The following AMPD2 variants were observed in gnomAD, a reference collection of about 807,000 sequenced individuals.
The protein encoded by AMPD2 is adenosine monophosphate deaminase 2, also known as AMP deaminase 2.
Under a neutral mutation model 91.3 loss-of-function variants are expected in AMPD2, and 52 were observed. The observed-to-expected ratio is 0.57, with a 90% confidence interval of 0.46 to 0.72. The LOEUF is 0.72. Among genes scored for constraint, AMPD2 ranks in the 30% least tolerant of loss-of-function variants. The pLI, the probability that AMPD2 is intolerant of heterozygous loss-of-function variation, is 0.00. For synonymous variants in AMPD2, 455 were observed against 456.4 expected (o/e 1.00, Z 0.04); for missense variants, 822 against 1,122.3 (o/e 0.73, Z 3.82).
Position 109,629,171 on chromosome 1 carries a change from T to C in AMPD2, c.1634T>C (p.Leu545Pro). ...CAGGAGATGCTGGAGAACATCTTCCTGCCACTGTTCGAGGCCACTGTGCAC... is the reference window on the plus strand; with the variant it reads ...CAGGAGATGCTGGAGAACATCTTCCCGCCACTGTTCGAGGCCACTGTGCAC... Reference protein sequence around the residue: ...NFQEMLENIFLPLFEATVHPA... With the variant: ...NFQEMLENIFPPLFEATVHPA... Residue 545 changes from leucine to proline, a missense_variant, in exon 14 of 19, where the codon CTG becomes CCG. Transcript: ENST00000528667. 6.2e-7 allele frequency: 1 copy of C among 1,614,146 alleles called. No homozygotes were observed. Among genetic ancestry groups the C allele is most frequent in the Non-Finnish European group, 8.5e-7 (1 of 1,180,026 alleles).
intron 2 of AMPD2, chr1:109,621,499 A>G: frequency 1.6e-6 from 1 of 636,414 alleles, no homozygotes; most frequent in Non-Finnish European, 2.8e-6. Flanking sequence ...TGTCACAAGG[A>G]GTGGGCATGG....
intron 2 of AMPD2, among the ~76,000 whole-genome samples, chr1:109,621,979 G>A (rs1407658906): frequency 2.0e-5 from 3 of 152,304 alleles, no homozygotes; most frequent in South Asian, 2.1e-4. Context: ...AGTGAGGTGC[G>A]GCAGTGCCTG....
Position 109,627,326 on chromosome 1 carries a change from G to A in AMPD2, c.860+10G>A, listed in dbSNP as rs755138601. The A allele has an allele frequency of 4.4e-6, 7 of 1,607,170 alleles. No individual in the cohort carries two copies. In the South Asian group the frequency reaches 5.5e-5, roughly 13 times the overall value. On this transcript the variant is annotated intron_variant, in intron 8 of 18. Transcript: ENST00000528667. ...GGGAACCCGACGAGCAGTAAGAGGGGTGTGGTGCATGTTGGGGGGATGCAG... is the reference window on the plus strand; with the variant it reads ...GGGAACCCGACGAGCAGTAAGAGGGATGTGGTGCATGTTGGGGGGATGCAG...
rs1650887288 is a variant in AMPD2 at position 109,628,261 on chromosome 1, C to T, written c.1259C>T (p.Thr420Met). The change falls in exon 11 of 19, where the codon ACG (threonine) becomes ATG (methionine). Residue 420 changes from threonine (T) to methionine (M), a missense_variant. Coordinates refer to ENST00000528667, the MANE Select transcript of AMPD2 (RefSeq NM_001368809.2). The surrounding 1 kb of genome is among the most constrained non-coding windows in gnomAD (Gnocchi z 7.1). ...ACGGCCTACGACCTGAGTGTGGACA[C>T]GCTGGATGTGCATGCGGTCTGTGCC... ...NLTAYDLSVD[T>M]LDVHADRNTF... 1.2e-6 allele frequency: 2 copies of T among 1,613,650 alleles called. No individual in the cohort carries two copies. The highest frequency in any genetic ancestry group is 1.7e-6 in the Non-Finnish European group (2 of 1,179,736).
At position 109,625,658 on chromosome 1, in the gene AMPD2, C is replaced by A. The variant is rs116223306; in HGVS notation, c.223-4C>A. ...CCATGCTGACCTTCCTTCCCTCCCC[C>A]CAGGAGCTGTTCACCCGCTCACTGG... On this transcript the variant is annotated splice_region_variant and splice_polypyrimidine_tract_variant and intron_variant, in intron 3 of 18. Transcript: ENST00000528667. This position sits in a 1 kb window ranked among gnomAD's most constrained non-coding sequence, Gnocchi z 4.0. The A allele has an allele frequency of 1.3e-5, 21 of 1,613,680 alleles. No homozygotes were observed. The highest frequency in any genetic ancestry group is 1.7e-5 in the Non-Finnish European group (20 of 1,179,756).
Position 109,629,601 on chromosome 1 carries a change from C to CT in AMPD2, c.1862+112dup, listed in dbSNP as rs1245997719. On this transcript the variant is annotated intron_variant, in intron 15 of 18. Coordinates refer to ENST00000528667, the MANE Select transcript of AMPD2 (RefSeq NM_001368809.2). The stretch of plus-strand genomic sequence containing the variant: ...ACCTCTGACCCACCTGTTGCCTGGA[C>CT]TGGATGGGTTCTTTCTCTGCCCTTG... The CT allele has an allele frequency of 2.0e-6, 3 of 1,480,078 alleles. No individual in the cohort carries two copies. The East Asian group carries it at 6.8e-5, about 34-fold the overall frequency. 91.7% of individuals were successfully genotyped at this position (1,480,078 alleles called of 1,614,324 possible). A position where few individuals can be genotyped will look rare whatever the true frequency, so the allele number is the denominator to read the frequency against.
intron 16 of AMPD2, 70 bp from the exon 17 acceptor site, chr1:109,630,163 C>G: frequency 6.4e-7 from 1 of 1,560,412 alleles, no homozygotes; most frequent in Non-Finnish European, 8.8e-7. Flanking sequence ...GGCCTGGACC[C>G]CCAGAACCAC....
rs771895204 is a variant in AMPD2 at position 109,623,316 on chromosome 1, G to A, written c.92-1987G>A. On this transcript the variant is annotated intron_variant, in intron 2 of 18. Coordinates refer to ENST00000528667, the MANE Select transcript of AMPD2 (RefSeq NM_001368809.2). ...CCCAGAGGTAGGTAGAGACATGCCCGGAAGCAGGAACAGAATCAGATCCAT... is the reference window on the plus strand; with the variant it reads ...CCCAGAGGTAGGTAGAGACATGCCCAGAAGCAGGAACAGAATCAGATCCAT... Among the ~76,000 whole-genome samples the A allele has an allele frequency of 6.6e-5, 10 of 152,162 alleles. No homozygotes were observed. The East Asian group carries it at 1.7e-3, about 26-fold the overall frequency.
intron 2 of AMPD2, among the ~76,000 whole-genome samples, chr1:109,621,865 C>T (rs750806908): frequency 1.2e-4 from 18 of 152,192 alleles, no homozygotes; most frequent in Non-Finnish European, 2.4e-4. Flanking sequence ...TGGTCAGGTC[C>T]GTGCAGGGTT....
chr1:109,625,982 T>A lies in AMPD2; in HGVS notation c.354-178T>A. ...GCCGGTGTGGCTGGGTCATGTTGCT[T>A]AACTTATGGGTCTGCTTTCTCATCT... On this transcript the variant is annotated intron_variant, in intron 4 of 18. Coordinates refer to ENST00000528667, the MANE Select transcript of AMPD2 (RefSeq NM_001368809.2). This position sits in a 1 kb window ranked among gnomAD's most constrained non-coding sequence, Gnocchi z 4.0. 8.8e-7 allele frequency: 1 copy of A among 1,140,860 alleles called. No individual in the cohort carries two copies. The highest frequency in any genetic ancestry group is 1.3e-6 in the Non-Finnish European group (1 of 797,268). The allele number at this position is 1,140,860 out of a possible 1,614,324, so 70.7% of individuals were successfully genotyped here.
In AMPD2 at chr1:109,624,185, C is replaced by A; in HGVS notation, c.92-1118C>A. 3.1e-6 allele frequency: 2 copies of A among 638,872 alleles called. No individual in the cohort carries two copies. Among genetic ancestry groups the A allele is most frequent in the Non-Finnish European group, 1.9e-6 (1 of 513,022 alleles). 39.6% of individuals were successfully genotyped at this position (638,872 alleles called of 1,614,324 possible). ...CCCTTTGTCCAGCTTTGGGACCAGT[C>A]CTGGAGTATTGGGAAATGGGCGCAG... On this transcript the variant is annotated intron_variant, in intron 2 of 18. Transcript: ENST00000528667. The surrounding 1 kb of genome is among the most constrained non-coding windows in gnomAD (Gnocchi z 5.2).
chr1:109,625,986 T>C lies in AMPD2; in HGVS notation c.354-174T>C, dbSNP rs1459991361. ...GTGTGGCTGGGTCATGTTGCTTAAC[T>C]TATGGGTCTGCTTTCTCATCTCTAA... is the stretch of plus-strand genomic sequence containing the variant. On this transcript the variant is annotated intron_variant, in intron 4 of 18. Transcript: ENST00000528667. This position sits in a 1 kb window ranked among gnomAD's most constrained non-coding sequence, Gnocchi z 4.0. 13 of 1,136,494 alleles carry C rather than the reference T, an allele frequency of 1.1e-5. No individual in the cohort carries two copies. The highest frequency in any genetic ancestry group is 2.9e-5 in the South Asian group (2 of 68,216). The allele number at this position is 1,136,494 out of a possible 1,614,324, so 70.4% of individuals were successfully genotyped here. A position where few individuals can be genotyped will look rare whatever the true frequency, so the allele number is the denominator to read the frequency against.
At position 109,625,722 on chromosome 1, in the gene AMPD2, G is replaced by A. The variant is rs776751502; in HGVS notation, c.283G>A (p.Glu95Lys). Residue 95 changes from glutamate to lysine, a missense_variant, in exon 4 of 19, where the codon GAG becomes AAG. By Grantham distance (56) the Glu-to-Lys change is moderately conservative (BLOSUM62 1). Coordinates refer to ENST00000528667, the MANE Select transcript of AMPD2 (RefSeq NM_001368809.2). This position sits in a 1 kb window ranked among gnomAD's most constrained non-coding sequence, Gnocchi z 4.0. ...CCGTAGTGCCCCGTATGAGTTCCCCGAGGAGAGCCCCATTGAACAGCTGGA... is the reference window on the plus strand; with the variant it reads ...CCGTAGTGCCCCGTATGAGTTCCCCAAGGAGAGCCCCATTGAACAGCTGGA... ...ELRSAPYEFPEESPIEQLEER... is the reference protein window; with the variant it reads ...ELRSAPYEFPKESPIEQLEER... The A allele has an allele frequency of 1.5e-5, 24 of 1,614,020 alleles. No individual in the cohort carries two copies. The highest frequency in any genetic ancestry group is 6.7e-5 in the African/African-American group (5 of 74,922).
At position 109,626,540 on chromosome 1, in the gene AMPD2, TGGAGGGGC is replaced by T. The variant is rs887650535; in HGVS notation, c.531+122_531+129del. ...AAAGGGCGTTTCTCTTTCCAGCAGCTGGAGGGGCGGAGGGGCAGAGGGGCTGCCTAGGA... is the reference window on the plus strand; with the variant it reads ...AAAGGGCGTTTCTCTTTCCAGCAGCTGGAGGGGCAGAGGGGCTGCCTAGGA... On this transcript the variant is annotated intron_variant, in intron 6 of 18. Coordinates refer to ENST00000528667, the MANE Select transcript of AMPD2 (RefSeq NM_001368809.2). The T allele has an allele frequency of 4.2e-5, 55 of 1,313,238 alleles. No homozygotes were observed. The African/African-American group carries it at 7.0e-4, about 17-fold the overall frequency. The allele number at this position is 1,313,238 out of a possible 1,614,324, so 81.3% of individuals were successfully genotyped here. A position where few individuals can be genotyped will look rare whatever the true frequency, so the allele number is the denominator to read the frequency against.
chr1:109,631,055 G>T lies in AMPD2; in HGVS notation c.2381G>T (p.Cys794Phe). The T allele has an allele frequency of 1.9e-6, 3 of 1,614,102 alleles. No individual in the cohort carries two copies. Among genetic ancestry groups the T allele is most frequent in the Middle Eastern group, 3.3e-4 (2 of 6,062 alleles). The change falls in exon 19 of 19, where the codon TGC becomes TTC. Residue 794 changes from cysteine (C) to phenylalanine (F), a missense_variant. Physicochemically the swap from Cys to Phe is radical, Grantham distance 205. Coordinates refer to ENST00000528667, the MANE Select transcript of AMPD2 (RefSeq NM_001368809.2). ...IRVGYRYETL[C>F]QELALITQAV... is the part of the protein sequence containing the mutation. ...GTGGGCTACCGCTACGAGACCCTGT[G>T]CCAGGAGCTGGCGCTCATCACGCAG...
chr1:109,621,158 G>T lies in AMPD2; in HGVS notation c.-18G>T, dbSNP rs772899120. On this transcript the variant is annotated 5_prime_UTR_variant, in exon 2 of 19. Coordinates refer to ENST00000528667, the MANE Select transcript of AMPD2 (RefSeq NM_001368809.2). ...GTGCCGCTCAGACTCCCCCGCTGTC[G>T]CCGCCGTGGTCCCAGCCATGGCATC... 14 of 1,597,564 alleles carry T rather than the reference G, an allele frequency of 8.8e-6. No homozygotes were observed. The highest frequency in any genetic ancestry group is 1.2e-5 in the Non-Finnish European group (14 of 1,171,444).
At position 109,620,278 on chromosome 1, in the gene AMPD2, G is replaced by GGA; in HGVS notation, c.-263+1_-263+2insAG. 3 of 1,614,102 alleles carry GGA rather than the reference G, an allele frequency of 1.9e-6. No individual in the cohort carries two copies. Among genetic ancestry groups the GGA allele is most frequent in the Non-Finnish European group, 2.5e-6 (3 of 1,179,966 alleles). On this transcript the variant is annotated splice_region_variant and 5_prime_UTR_variant. It removes the in-frame stop codon of an upstream open reading frame in the 5' UTR. Coordinates refer to ENST00000528667, the MANE Select transcript of AMPD2 (RefSeq NM_001368809.2). ...TCGGAACTCGGGCATCATGGCCTCA[G>GGA]GTGAGTGTGTGTACGTGTGTTGGAG...
At position 109,628,880 on chromosome 1, in the gene AMPD2, T is replaced by A. The variant is rs1650956732; in HGVS notation, c.1571+74T>A. On this transcript the variant is annotated intron_variant, in intron 13 of 18. Coordinates refer to ENST00000528667, the MANE Select transcript of AMPD2 (RefSeq NM_001368809.2). The surrounding 1 kb of genome is among the most constrained non-coding windows in gnomAD (Gnocchi z 7.1). Reference sequence around the variant, plus strand: ...GGTCAGGGCCTGCCTCCTGCCCTCCTAGGATGGCTGAGCCTCCCTTGTCCC... The same window carrying A: ...GGTCAGGGCCTGCCTCCTGCCCTCCAAGGATGGCTGAGCCTCCCTTGTCCC... 2.0e-6 allele frequency: 3 copies of A among 1,501,172 alleles called. No individual in the cohort carries two copies. 93.0% of individuals were successfully genotyped at this position (1,501,172 alleles called of 1,614,324 possible). A position where few individuals can be genotyped will look rare whatever the true frequency, so the allele number is the denominator to read the frequency against.
chr1:109,627,334 C>T lies in AMPD2; in HGVS notation c.860+18C>T, dbSNP rs752415669. The T allele has an allele frequency of 1.2e-5, 19 of 1,606,188 alleles. No individual in the cohort carries two copies. The highest frequency in any genetic ancestry group is 1.5e-5 in the Non-Finnish European group (18 of 1,174,618). ...GACGAGCAGTAAGAGGGGTGTGGTG[C>T]ATGTTGGGGGGATGCAGCGTGGGAG... On this transcript the variant is annotated intron_variant, in intron 8 of 18. Coordinates refer to ENST00000528667, the MANE Select transcript of AMPD2 (RefSeq NM_001368809.2).
Sources: allele counts gnomAD v4.1 joint callset (sites outside exome capture counted in the v4.1 genomes callset), GRCh38; gene constraint gnomAD v4.1.1; non-coding constraint Gnocchi (gnomAD v3.1); transcripts MANE v1.5; gene names NCBI Gene and HGNC (gene_info 2026-07-23, HGNC 2026-07-21).